PCDHA5: variants seen among roughly 807,000 people sequenced by gnomAD.
PCDHA5 encodes protocadherin alpha 5.
Under a neutral mutation model 61.6 loss-of-function variants are expected in PCDHA5, and 43 were observed. The observed-to-expected ratio is 0.70, with a 90% confidence interval of 0.55 to 0.90. The LOEUF (loss-of-function observed/expected upper bound fraction) is 0.90. Among genes scored for constraint, PCDHA5 ranks in the 40% least tolerant of loss-of-function variants. The probability of loss-of-function intolerance (pLI) is 0.00; values close to 1 mark genes in which losing one functional copy is unlikely to be tolerated. For missense variants in PCDHA5, 1,298 were observed against 1,222.7 expected, an observed-to-expected ratio of 1.06 and a Z score of -0.92; for synonymous variants, 627 against 543.9, an observed-to-expected ratio of 1.15 and a Z score of -2.13.
intron 1 of PCDHA5, among the ~76,000 whole-genome samples, chr5:140,940,904 GT>G (rs1437754574): frequency 6.6e-6 from 1 of 152,188 alleles, no homozygotes; most frequent in Non-Finnish European, 1.5e-5. Context: ...TTTAAATCAA[GT>G]TCAAGACTTG....
At chr5:140,950,006 G>A (rs2094439907) in intron 1 of PCDHA5, among the ~76,000 whole-genome samples, 1 of 151,676 alleles carries the variant, frequency 6.6e-6, no homozygotes, top group African/African-American at 2.4e-5. Context: ...ACTTAATAGT[G>A]TACAACCTTC....
chr5:140,979,058 C>A, intron 2 of PCDHA5, 51 bp downstream of exon 2: 3 of 1,606,096 alleles, frequency 1.9e-6, no homozygotes, highest in Non-Finnish European at 2.6e-6. Context: ...CTTGGTATGG[C>A]TCAGATAAAC....
At chr5:140,853,280 T>C in intron 1 of PCDHA5, 1 of 980,192 alleles carries the variant, frequency 1.0e-6, no homozygotes, top group South Asian at 4.8e-5. Context: ...TCTCATCATA[T>C]GCAAATTCTC....
At chr5:140,834,333 T>C (rs781836936) in intron 1 of PCDHA5, 11 of 1,490,244 alleles carry the variant, frequency 7.4e-6, no homozygotes, top group Non-Finnish European at 1.0e-5. Flanking sequence ...AACATTCCTA[T>C]AAATTCGAAG....
At chr5:141,007,933 A>T (rs1168610845) in intron 3 of PCDHA5, among the ~76,000 whole-genome samples, 1 of 152,212 alleles carries the variant, frequency 6.6e-6, no homozygotes, top group African/African-American at 2.4e-5. Context: ...TGGAATTCTA[A>T]GCCACCTTTT....
rs782354826 is a variant in PCDHA5, at chr5:140,856,955, G to A, written c.2352+32828G>A. 3 of 1,593,892 alleles carry A rather than the reference G, an allele frequency of 1.9e-6. No individual in the cohort carries two copies. The Admixed American group carries it at 5.1e-5, about 27-fold the overall frequency. On this transcript the variant is annotated intron_variant, in intron 1 of 3. Coordinates refer to ENST00000529859, the MANE Select transcript of PCDHA5 (RefSeq NM_018908.3). Reference sequence around the variant, plus strand: ...AAACGAAAGGACGGGAGAAATAAAAGTAAATGATGCTATTGACTTTGAGGA... The same window carrying A: ...AAACGAAAGGACGGGAGAAATAAAAATAAATGATGCTATTGACTTTGAGGA...
intron 1 of PCDHA5, among the ~76,000 whole-genome samples, chr5:140,915,392 A>AT (rs1554196880): frequency 6.6e-6 from 1 of 152,072 alleles, no homozygotes; most frequent in African/African-American, 2.4e-5. Context: ...AGAGCTAGGT[A>AT]TTTCTTATAG....
At chr5:140,853,125 C>T (rs2150528645) in intron 1 of PCDHA5, 31 of 553,956 alleles carry the variant, frequency 5.6e-5, no homozygotes, top group South Asian at 1.5e-4. Context: ...ATGATCCTCC[C>T]GCCTCAGCCT....
intron 1 of PCDHA5, chr5:140,841,795 C>T (rs2150322842): frequency 6.2e-7 from 1 of 1,613,824 alleles, no homozygotes; most frequent in Non-Finnish European, 8.5e-7. Context: ...AGGGCGCGTC[C>T]GATGCAGATG....
chr5:140,994,281 G>T (rs2097610222), intron 3 of PCDHA5, among the ~76,000 whole-genome samples: 1 of 152,144 alleles, frequency 6.6e-6, no homozygotes. Flanking sequence ...CCTTTCTTGA[G>T]ACAGTCCCCA....
At chr5:140,997,533 A>G (rs1247028089) in intron 3 of PCDHA5, among the ~76,000 whole-genome samples, 1 of 152,230 alleles carries the variant, frequency 6.6e-6, no homozygotes, top group Non-Finnish European at 1.5e-5. Context: ...CAATAAAAAT[A>G]CATTATTATA....
At chr5:140,870,134 A>G (rs2051696193) in intron 1 of PCDHA5, 1 of 1,613,888 alleles carries the variant, frequency 6.2e-7, no homozygotes, top group African/African-American at 1.3e-5. Flanking sequence ...GACACCAACG[A>G]TAACTCTCCT....
rs892987704 is a variant in PCDHA5, at chr5:140,988,405, C to A, written c.2500+5842C>A. Among the ~76,000 whole-genome samples, 31 of 152,248 alleles carry A rather than the reference C, an allele frequency of 2.0e-4. No individual in the cohort carries two copies. In the East Asian group the frequency reaches 5.6e-3, roughly 28 times the overall value. The stretch of plus-strand genomic sequence containing the variant: ...ATTGTGTTTGCCAGAGTTCTCTTCG[C>A]AGCTTATGTAAAGAATTTGTTTGTT... On this transcript the variant is annotated intron_variant, in intron 3 of 3. Transcript: ENST00000529859.
At position 140,929,086 on chromosome 5, in the gene PCDHA5, G is replaced by A. The variant is rs899611580; in HGVS notation, c.2353-49863G>A. 2.5e-6 allele frequency: 4 copies of A among 1,614,158 alleles called. No individual in the cohort carries two copies. The South Asian group carries it at 4.4e-5, about 18-fold the overall frequency. On this transcript the variant is annotated intron_variant, in intron 1 of 3. Coordinates refer to ENST00000529859, the MANE Select transcript of PCDHA5 (RefSeq NM_018908.3). ...GGATCTGAGGTATGGAAGTAAGATG[G>A]TTTCAAATCCTTGCATGACATCAGC... is the stretch of plus-strand genomic sequence containing the variant.
rs145430316 is a variant in PCDHA5 at position 140,849,629 on chromosome 5, C to T, written c.2352+25502C>T. The T allele has an allele frequency of 6.9e-4, 1,102 of 1,598,720 alleles. 110 individuals carry two copies. The highest frequency in any genetic ancestry group is 1.2e-3 in the South Asian group (106 of 90,564). On this transcript the variant is annotated intron_variant, in intron 1 of 3. Transcript: ENST00000529859. ...CCCTGATTAGTGTGATCGACCTAGA[C>T]GCAGATGCCAACGGGCAGGTTACCT...
chr5:140,874,803 A>G (rs536331240), intron 1 of PCDHA5, among the ~76,000 whole-genome samples: 1 of 152,378 alleles, frequency 6.6e-6, no homozygotes, highest in East Asian at 1.9e-4. Flanking sequence ...AGATTTATGA[A>G]TAAGACAATT....
In PCDHA5 at chr5:140,843,250, G is replaced by C; in HGVS notation, c.2352+19123G>C. The stretch of plus-strand genomic sequence containing the variant: ...GTGTCCTGGACGAAGCGGACTCTCC[G>C]CGCCACCGTCTGCTGGTCCTGGTGA... On this transcript the variant is annotated intron_variant, in intron 1 of 3. Transcript: ENST00000529859. 14 of 1,596,012 alleles carry C rather than the reference G, an allele frequency of 8.8e-6. 3 individuals carry two copies. Among genetic ancestry groups the C allele is most frequent in the Non-Finnish European group, 1.1e-5 (13 of 1,165,570 alleles).
intron 1 of PCDHA5, among the ~76,000 whole-genome samples, chr5:140,833,634 A>G (rs2150122696): frequency 6.6e-6 from 1 of 152,310 alleles, no homozygotes; most frequent in African/African-American, 2.4e-5. Flanking sequence ...TTCCTCCTCA[A>G]AAAGTTCACA....
chr5:140,842,441 G>T (rs1554139039), intron 1 of PCDHA5: 3 of 1,613,636 alleles, frequency 1.9e-6, no homozygotes, highest in Non-Finnish European at 2.5e-6. Flanking sequence ...CCTAATTAGC[G>T]TGAACGACCT....
Sources: gnomAD v4.1 joint callset for allele counts (sites outside exome capture counted in the v4.1 genomes callset) on GRCh38, gnomAD v4.1.1 for gene constraint, MANE v1.5 for transcripts, NCBI Gene and HGNC (gene_info 2026-07-23, HGNC 2026-07-21) for gene names.